The following RNF10 variants were observed in gnomAD, a reference collection of about 807,000 sequenced individuals.
RNF10 encodes the protein E3 ubiquitin-protein ligase RNF10.
A neutral mutation model predicts 91.4 loss-of-function variants in RNF10; 38 were observed. That is an observed-to-expected ratio of 0.42 (90% CI 0.32 to 0.54). The LOEUF (loss-of-function observed/expected upper bound fraction) is 0.54. Among genes scored for constraint, RNF10 ranks in the 20% least tolerant of loss-of-function variants. The pLI is 0.16. For missense variants in RNF10, 945 were observed against 1,012.0 expected (o/e 0.93, Z 0.90); for synonymous variants, 364 against 366.3 (o/e 0.99, Z 0.07).
At chr12:120,559,284 C>T (rs550287312) in intron 6 of RNF10, among the ~76,000 whole-genome samples, 5 of 145,012 alleles carry the variant, frequency 3.4e-5, no homozygotes, top group African/African-American at 5.2e-5. Context: ...TCGGTTCAAA[C>T]GATTTTCCTT....
intron 3 of RNF10, 50 bp downstream of exon 3, chr12:120,552,748 A>C (rs941474827): frequency 6.6e-7 from 1 of 1,524,482 alleles, no homozygotes; most frequent in African/African-American, 1.4e-5. Flanking sequence ...CTCTCCGGAT[A>C]GCTGTGGTGC....
rs1017538151 is a variant in RNF10 at position 120,559,063 on chromosome 12, TTA to T, written c.967+1383_967+1384del. Reference sequence around the variant, plus strand: ...AATTAAATTAACTTTTAATTTTAAATTATTTTTTTTATTTTAAAAAATTAACT... The same window carrying T: ...AATTAAATTAACTTTTAATTTTAAATTTTTTTTTATTTTAAAAAATTAACT... On this transcript the variant is annotated intron_variant, in intron 6 of 16. Transcript: ENST00000325954. 2.1e-4 allele frequency among the ~76,000 whole-genome samples: 11 copies of T among 52,614 alleles called. No individual in the cohort carries two copies. In the South Asian group the frequency reaches 3.6e-3, roughly 17 times the overall value. 34.5% of individuals were successfully genotyped at this position (52,614 alleles called of 152,430 possible).
intron 6 of RNF10, among the ~76,000 whole-genome samples, chr12:120,557,975 C>G (rs776251725): frequency 2.6e-5 from 4 of 152,116 alleles, no homozygotes; most frequent in Admixed American, 2.6e-4. Context: ...TGGTGCCTGT[C>G]GTCAAGAAAC....
intron 1 of RNF10, among the ~76,000 whole-genome samples, chr12:120,537,565 T>G (rs1593042449): frequency 6.6e-6 from 1 of 152,040 alleles, no homozygotes; most frequent in Admixed American, 6.6e-5. Context: ...GAGGCGGAGG[T>G]TGCAGTAAGC....
In RNF10 at chr12:120,577,103, C is replaced by G; in HGVS notation, c.*437C>G. ...TTTGTCTTTTAAAAAACAGCTGAAT[C>G]TTTACTACCTATTTAGTTCTCCTTG... On this transcript the variant is annotated 3_prime_UTR_variant, in exon 17 of 17. Coordinates refer to ENST00000325954, the MANE Select transcript of RNF10 (RefSeq NM_014868.5). 2.3e-6 allele frequency: 1 copy of G among 433,174 alleles called. No individual in the cohort carries two copies. The highest frequency in any genetic ancestry group is 4.6e-6 in the Non-Finnish European group (1 of 218,734). The allele number at this position is 433,174 out of a possible 1,614,324, so 26.8% of individuals were successfully genotyped here. A position where few individuals can be genotyped will look rare whatever the true frequency, so the allele number is the denominator to read the frequency against.
At chr12:120,571,348 A>C (rs1876600461) in intron 14 of RNF10, 57 bp downstream of exon 14, 1 of 1,228,640 alleles carries the variant, frequency 8.1e-7, no homozygotes, top group Non-Finnish European at 1.2e-6. Context: ...TCTGCTGCTC[A>C]TTATTATGGG....
intron 10 of RNF10, among the ~76,000 whole-genome samples, chr12:120,564,323 T>C (rs1298260652): frequency 6.6e-6 from 1 of 152,178 alleles, no homozygotes; most frequent in Non-Finnish European, 1.5e-5. Context: ...ATCAAACATA[T>C]GCAGAAAAAG....
In RNF10 at chr12:120,569,297, G is replaced by A. The variant is rs138359658; in HGVS notation, c.2042-1894G>A. ...TGAGCCACTGTGCCTGGCCTCTGTC[G>A]GGCATTCTTAACAAAGTGTCCATCA... On this transcript the variant is annotated intron_variant, in intron 13 of 16. Transcript: ENST00000325954. 1.1e-3 allele frequency among the ~76,000 whole-genome samples: 172 copies of A among 151,860 alleles called. 1 individual carries two copies. The highest frequency in any genetic ancestry group is 1.9e-3 in the Non-Finnish European group (131 of 67,902).
intron 2 of RNF10, among the ~76,000 whole-genome samples, chr12:120,548,165 G>A (rs189744418): frequency 6.6e-6 from 1 of 152,164 alleles, no homozygotes; most frequent in Non-Finnish European, 1.5e-5. Context: ...GTTTGGAAAT[G>A]TTATATGTAC....
At chr12:120,538,574 A>G (rs550474610) in intron 1 of RNF10, among the ~76,000 whole-genome samples, 83 of 152,354 alleles carry the variant, frequency 5.4e-4, no homozygotes, top group Middle Eastern at 3.4e-3. Flanking sequence ...AACATGCAGC[A>G]GTAAATATCC....
Position 120,566,935 on chromosome 12 carries a change from G to A in RNF10, c.1996G>A (p.Ala666Thr), listed in dbSNP as rs1875821937. ...TCCCACCAGCACCGAGGGCCATGGG[G>A]CCCTCTCCATTTCTCCTCTCAGCAG... ...LGPTSTEGHG[A>T]LSISPLSRSP... is the part of the protein sequence containing the mutation. Residue 666 changes from alanine to threonine, a missense_variant, in exon 13 of 17, where the codon GCC becomes ACC. Physicochemically the swap from Ala to Thr is moderately conservative, Grantham distance 58 (BLOSUM62 0). Transcript: ENST00000325954. The A allele has an allele frequency of 6.2e-7, 1 of 1,612,626 alleles. No homozygotes were observed. Among genetic ancestry groups the A allele is most frequent in the Non-Finnish European group, 8.5e-7 (1 of 1,179,624 alleles).
intron 1 of RNF10, 79 bp downstream of exon 1, chr12:120,535,047 T>G: frequency 7.0e-7 from 1 of 1,432,424 alleles, no homozygotes; most frequent in Non-Finnish European, 9.2e-7. Context: ...TCGGCTGGGT[T>G]ACTCGGGGAC....
intron 14 of RNF10, among the ~76,000 whole-genome samples, chr12:120,573,573 C>T (rs567419146): frequency 4.7e-5 from 7 of 149,012 alleles, no homozygotes; most frequent in Admixed American, 2.7e-4. Flanking sequence ...TACCCGACGC[C>T]GAGTCATTTA....
At position 120,557,587 on chromosome 12, in the gene RNF10, C is replaced by T. The variant is rs764647074; in HGVS notation, c.872C>T (p.Thr291Ile). 6 of 1,614,110 alleles carry T rather than the reference C, an allele frequency of 3.7e-6. No homozygotes were observed. In the Admixed American group the frequency reaches 8.3e-5, roughly 22 times the overall value. Reference protein sequence around the residue: ...TESHQYVVGDTITMQLMKREK... With the variant: ...TESHQYVVGDIITMQLMKREK... ...TCACATCAGTATGTTGTTGGTGATA[C>T]CATTACGATGCAGCTGATGAAGAGG... The change falls in exon 6 of 17, where the codon ACC (threonine) becomes ATC (isoleucine). Residue 291 changes from threonine (T) to isoleucine (I), a missense_variant. Transcript: ENST00000325954.
intron 7 of RNF10, 129 bp downstream of exon 7, chr12:120,561,015 A>G: frequency 1.1e-6 from 1 of 930,690 alleles, no homozygotes; most frequent in Non-Finnish European, 1.6e-6. Flanking sequence ...AGTTAGTTCC[A>G]TTCCACATTT....
intron 2 of RNF10, among the ~76,000 whole-genome samples, chr12:120,551,289 T>TG (rs1235082700): frequency 6.3e-5 from 7 of 110,774 alleles, no homozygotes; most frequent in African/African-American, 2.1e-4. Context: ...CCCATCCTAG[T>TG]GTTTTTTTTT....
chr12:120,555,711 G>T (rs1249829870), intron 4 of RNF10, among the ~76,000 whole-genome samples: 2 of 149,828 alleles, frequency 1.3e-5, no homozygotes, highest in African/African-American at 4.9e-5. Context: ...GGTCAGGCTG[G>T]TCTTGAATTC....
chr12:120,546,980 T>G (rs1011797465), intron 2 of RNF10, among the ~76,000 whole-genome samples: 1 of 152,196 alleles, frequency 6.6e-6, no homozygotes, highest in Non-Finnish European at 1.5e-5. Flanking sequence ...GTCTCAAATT[T>G]TTTTTAGGAG....
chr12:120,537,360 C>T (rs2137118916), intron 1 of RNF10, among the ~76,000 whole-genome samples: 1 of 150,508 alleles, frequency 6.6e-6, no homozygotes, highest in African/African-American at 2.5e-5. Flanking sequence ...GGTGCGGTGG[C>T]TCACGCCTGT....
Sources: allele counts gnomAD v4.1 joint callset (sites outside exome capture counted in the v4.1 genomes callset), GRCh38; gene constraint gnomAD v4.1.1; transcripts MANE v1.5; gene names NCBI Gene and HGNC (gene_info 2026-07-23, HGNC 2026-07-21).